Variants in MBD5 observed in about 807,000 individuals in gnomAD.
MBD5 encodes methyl-CpG binding domain protein 5.
In MBD5, 13 loss-of-function variants were observed where a neutral mutation model predicts 117.3. That is an observed-to-expected ratio of 0.11 (90% CI 0.07 to 0.18). The LOEUF (loss-of-function observed/expected upper bound fraction) is 0.18. Ranked by LOEUF, MBD5 falls within the 10% of genes least tolerant of loss-of-function variation. The pLI is 1.00. For missense variants in MBD5, 1,879 were observed against 2,093.8 expected, an observed-to-expected ratio of 0.90 and a Z score of 2.00; for synonymous variants, 727 against 766.4, an observed-to-expected ratio of 0.95 and a Z score of 0.85.
chr2:148,294,162 G>A (rs528276765), intron 3 of MBD5, among the ~76,000 whole-genome samples: 3 of 145,314 alleles, frequency 2.1e-5, no homozygotes, highest in Non-Finnish European at 3.0e-5. Flanking sequence ...CTTATTTCAC[G>A]TTCCTTTTTG....
At chr2:148,363,358 G>C (rs1057473976) in intron 4 of MBD5, among the ~76,000 whole-genome samples, 8 of 151,950 alleles carry the variant, frequency 5.3e-5, no homozygotes, top group Non-Finnish European at 7.4e-5. Flanking sequence ...TCAGCCTCCC[G>C]AGTAGCTGTG....
At chr2:148,468,249 C>T in intron 7 of MBD5, 92 bp from the exon 8 acceptor site, 1 of 1,054,690 alleles carries the variant, frequency 9.5e-7, no homozygotes, top group Non-Finnish European at 1.4e-6. Flanking sequence ...CATCCTCCCT[C>T]TCCCTTCCTG....
At chr2:148,341,123 C>G (rs1209204882) in intron 3 of MBD5, among the ~76,000 whole-genome samples, 1 of 151,946 alleles carries the variant, frequency 6.6e-6, no homozygotes, top group East Asian at 1.9e-4. Flanking sequence ...GATTTTCATT[C>G]AGCTTCTCCT....
intron 1 of MBD5, chr2:148,028,059 CAGTG>C (rs1371074260): frequency 6.6e-6 from 1 of 152,048 alleles, no homozygotes; most frequent in Non-Finnish European, 1.5e-5. Flanking sequence ...TTCAAAGAGA[CAGTG>C]AGATCCAGGC....
rs1409789817 is a variant in MBD5 at position 148,514,218 on chromosome 2, TTTATA to T, written c.*1286_*1290del. 4.6e-5 allele frequency: 7 copies of T among 152,274 alleles called. No individual in the cohort carries two copies. The highest frequency in any genetic ancestry group is 1.3e-4 in the Admixed American group (2 of 15,304). 9.4% of individuals were successfully genotyped at this position (152,274 alleles called of 1,614,324 possible). On this transcript the variant is annotated 3_prime_UTR_variant, in exon 14 of 14. Transcript: ENST00000642680. ...CAGGTTAAATCTATTAACCAAATTATTTATATTATATTAAGTAAGAAAAAATGTGA... is the reference window on the plus strand; with the variant it reads ...CAGGTTAAATCTATTAACCAAATTATTTATATTAAGTAAGAAAAAATGTGA...
rs566168751 is a variant in MBD5, at chr2:148,124,234, C to T, written c.-924-54466C>T. Among the ~76,000 whole-genome samples, 71 of 152,140 alleles carry T rather than the reference C, an allele frequency of 4.7e-4. No individual in the cohort carries two copies. The East Asian group carries it at 4.8e-3, about 10-fold the overall frequency. Reference sequence around the variant, plus strand: ...GGCAGAGGTTGCAGTGAGCCAAGATCGCCCACTGCACTCCAGCCTGGGTGA... The same window carrying T: ...GGCAGAGGTTGCAGTGAGCCAAGATTGCCCACTGCACTCCAGCCTGGGTGA... On this transcript the variant is annotated intron_variant, in intron 1 of 13. Coordinates refer to ENST00000642680, the MANE Select transcript of MBD5 (RefSeq NM_001378120.1).
Position 148,345,215 on chromosome 2 carries a change from T to G in MBD5, c.-557+2879T>G, listed in dbSNP as rs560524357. Among the ~76,000 whole-genome samples, 5 of 113,226 alleles carry G rather than the reference T, an allele frequency of 4.4e-5. No homozygotes were observed. In the South Asian group the frequency reaches 1.4e-3, roughly 31 times the overall value. The allele number at this position is 113,226 out of a possible 152,430, so 74.3% of individuals were successfully genotyped here. The stretch of plus-strand genomic sequence containing the variant: ...GTGTGTATATACGTATATATGTATA[T>G]ATACACACACACATATATATACCCA... On this transcript the variant is annotated intron_variant, in intron 4 of 13. Transcript: ENST00000642680.
chr2:148,490,106 A>C lies in MBD5; in HGVS notation c.4474A>C (p.Ile1492Leu), dbSNP rs370231736. Residue 1492 changes from isoleucine (I) to leucine (L), a missense_variant, in exon 11 of 14, where the codon ATT becomes CTT. Transcript: ENST00000642680. Reference sequence around the variant, plus strand: ...ACCAAGAAACTGTCCAGGGGATAAAATTCTAGAGGAAAATTTCAGGTATAA... The same window carrying C: ...ACCAAGAAACTGTCCAGGGGATAAACTTCTAGAGGAAAATTTCAGGTATAA... The part of the protein sequence containing the change: ...LPPRNCPGDK[I>L]LEENFRYNNY... The C allele has an allele frequency of 6.2e-7, 1 of 1,614,112 alleles. No individual in the cohort carries two copies. The highest frequency in any genetic ancestry group is 8.5e-7 in the Non-Finnish European group (1 of 1,180,012).
intron 3 of MBD5, among the ~76,000 whole-genome samples, chr2:148,338,935 A>C (rs1702870407): frequency 6.6e-6 from 1 of 152,198 alleles, no homozygotes; most frequent in Non-Finnish European, 1.5e-5. Flanking sequence ...GGGCTGACCA[A>C]ACCTTGCCAA....
chr2:148,119,653 T>C (rs968917791), intron 1 of MBD5, among the ~76,000 whole-genome samples: 6 of 152,170 alleles, frequency 3.9e-5, no homozygotes, highest in Non-Finnish European at 8.8e-5. Context: ...CATAAAGGTA[T>C]ATGATCATTT....
chr2:148,203,766 T>G (rs1174641867), intron 2 of MBD5, among the ~76,000 whole-genome samples: 1 of 147,594 alleles, frequency 6.8e-6, no homozygotes, highest in East Asian at 2.0e-4. Context: ...TGCTGACAAC[T>G]CATCTCACCT....
intron 4 of MBD5, among the ~76,000 whole-genome samples, chr2:148,443,193 G>C (rs2105414341): frequency 6.6e-6 from 1 of 151,514 alleles, no homozygotes; most frequent in Admixed American, 6.6e-5. Flanking sequence ...ACTACAGTGA[G>C]ATACTGTCTC....
At chr2:148,223,698 A>C (rs1339132813) in intron 2 of MBD5, among the ~76,000 whole-genome samples, 1 of 152,016 alleles carries the variant, frequency 6.6e-6, no homozygotes, top group East Asian at 1.9e-4. Flanking sequence ...AACTTTTCAA[A>C]AAACTAACTT....
At chr2:148,427,674 G>A (rs1010562716) in intron 4 of MBD5, among the ~76,000 whole-genome samples, 1 of 152,052 alleles carries the variant, frequency 6.6e-6, no homozygotes, top group Non-Finnish European at 1.5e-5. Context: ...AGCATTAGGA[G>A]ATATACCTAA....
chr2:148,402,514 C>G (rs192333619), intron 4 of MBD5, among the ~76,000 whole-genome samples: 11 of 152,218 alleles, frequency 7.2e-5, no homozygotes, highest in Admixed American at 6.5e-4. Flanking sequence ...TCTAATTCCT[C>G]CCTCCTACTT....
rs1682268574 is a variant in MBD5, at chr2:148,513,147, CTG to C, written c.*211_*212del. 1 of 578,580 alleles carries C rather than the reference CTG, an allele frequency of 1.7e-6. No homozygotes were observed. Among genetic ancestry groups the C allele is most frequent in the South Asian group, 2.1e-5 (1 of 48,174 alleles). The allele number at this position is 578,580 out of a possible 1,614,324, so 35.8% of individuals were successfully genotyped here. ...ATGCTGGAAAAGCCAATCAAAGTCT[CTG>C]TGTGATGAGAGTGATCAATGGTCAA... On this transcript the variant is annotated 3_prime_UTR_variant, in exon 14 of 14. Coordinates refer to ENST00000642680, the MANE Select transcript of MBD5 (RefSeq NM_001378120.1).
chr2:148,469,781 A>G lies in MBD5; in HGVS notation c.1838A>G (p.Asn613Ser), dbSNP rs1462437075. The G allele has an allele frequency of 6.2e-7, 1 of 1,614,000 alleles. No homozygotes were observed. Among genetic ancestry groups the G allele is most frequent in the South Asian group, 1.1e-5 (1 of 91,084 alleles). The change falls in exon 8 of 14, where the codon AAC becomes AGC. Residue 613 changes from asparagine to serine, a missense_variant. Coordinates refer to ENST00000642680, the MANE Select transcript of MBD5 (RefSeq NM_001378120.1). ...SNSGAVAGSG[N>S]TEGHSTLNTM... ...TCTGGAGCTGTTGCCGGCAGTGGCA[A>G]CACTGAAGGACATAGCACTTTAAAC...
chr2:148,093,837 T>G (rs532433398), intron 1 of MBD5, among the ~76,000 whole-genome samples: 1 of 152,330 alleles, frequency 6.6e-6, no homozygotes, highest in Non-Finnish European at 1.5e-5. Context: ...TTTGTTGTTT[T>G]GAGATGACGA....
chr2:148,224,568 C>A (rs1250164500), intron 2 of MBD5, among the ~76,000 whole-genome samples: 1 of 136,096 alleles, frequency 7.3e-6, no homozygotes, highest in Non-Finnish European at 1.5e-5. Flanking sequence ...ACCATGTTGC[C>A]CAGGCTGGTC....
Sources: allele counts gnomAD v4.1 joint callset (sites outside exome capture counted in the v4.1 genomes callset), GRCh38; gene constraint gnomAD v4.1.1; transcripts MANE v1.5; gene names NCBI Gene and HGNC (gene_info 2026-07-23, HGNC 2026-07-21).